The following LRRC4C variants were observed in gnomAD, a reference collection of about 807,000 sequenced individuals.
LRRC4C encodes leucine rich repeat containing 4C, also known as leucine-rich repeat-containing protein 4C.
Under a neutral mutation model 33.6 loss-of-function variants are expected in LRRC4C, and 5 were observed. That is an observed-to-expected ratio of 0.15 (90% CI 0.08 to 0.31). The LOEUF is 0.31. LRRC4C is among the 10% of genes least tolerant of loss of function. The pLI is 1.00. For missense variants in LRRC4C, 560 were observed against 796.7 expected (o/e 0.70, Z 3.58); for synonymous variants, 329 against 302.0 (o/e 1.09, Z -0.93).
At chr11:41,206,198 C>G (rs1946595602) in intron 1 of LRRC4C, among the ~76,000 whole-genome samples, 1 of 152,148 alleles carries the variant, frequency 6.6e-6, no homozygotes, top group South Asian at 2.1e-4. Context: ...TTTAACTACT[C>G]TCAAGTCTGA....
At chr11:41,142,490 C>G (rs560597383) in intron 1 of LRRC4C, among the ~76,000 whole-genome samples, 2 of 152,122 alleles carry the variant, frequency 1.3e-5, no homozygotes, top group Non-Finnish European at 2.9e-5. Context: ...ACTTTAGGAA[C>G]TACTGATTTA....
chr11:40,527,046 T>C (rs1355494090), intron 3 of LRRC4C, among the ~76,000 whole-genome samples: 1 of 152,186 alleles, frequency 6.6e-6, no homozygotes, highest in Non-Finnish European at 1.5e-5. Context: ...TTCTCATTTA[T>C]ACAAAGTTGA....
intron 1 of LRRC4C, among the ~76,000 whole-genome samples, chr11:41,148,206 G>A (rs866370793): frequency 6.6e-5 from 10 of 151,730 alleles, no homozygotes; most frequent in Admixed American, 3.9e-4. Context: ...TAGTAGAGAC[G>A]GGGTTTCATC....
intron 1 of LRRC4C, among the ~76,000 whole-genome samples, chr11:40,979,786 A>G (rs1852377367): frequency 6.6e-6 from 1 of 152,180 alleles, no homozygotes; most frequent in Non-Finnish European, 1.5e-5. Flanking sequence ...CCTTGTCTGG[A>G]CCACATACAA....
intron 3 of LRRC4C, among the ~76,000 whole-genome samples, chr11:40,581,102 C>T (rs557224842): frequency 2.0e-5 from 3 of 152,322 alleles, no homozygotes; most frequent in African/African-American, 7.2e-5. Flanking sequence ...TTCCCATTCT[C>T]CTCTCTGAAA....
intron 2 of LRRC4C, among the ~76,000 whole-genome samples, chr11:40,733,371 G>A (rs547419052): frequency 2.6e-5 from 4 of 152,008 alleles, no homozygotes; most frequent in East Asian, 1.9e-4. Context: ...CACGGTGCCC[G>A]CCTGAATATA....
Position 41,301,712 on chromosome 11 carries a change from C to T in LRRC4C, c.-496+157719G>A, listed in dbSNP as rs555654988. 9.9e-5 allele frequency among the ~76,000 whole-genome samples: 15 copies of T among 152,136 alleles called. No individual in the cohort carries two copies. The East Asian group carries it at 2.9e-3, about 29-fold the overall frequency. On this transcript the variant is annotated intron_variant, in intron 1 of 6. Coordinates refer to ENST00000528697, the MANE Select transcript of LRRC4C (RefSeq NM_001258419.2). ...TTATGACTTTCATGACTTAGCTAAA[C>T]AAAAACTCCCCCCAATTTCATCAGA...
chr11:41,089,180 T>C (rs1052402035), intron 1 of LRRC4C, among the ~76,000 whole-genome samples: 1 of 152,080 alleles, frequency 6.6e-6, no homozygotes, highest in Non-Finnish European at 1.5e-5. Flanking sequence ...ACAGAGTTTC[T>C]TGTTCACTTT....
intron 1 of LRRC4C, among the ~76,000 whole-genome samples, chr11:41,044,825 A>C (rs1408999801): frequency 2.6e-5 from 4 of 152,172 alleles, no homozygotes; most frequent in Non-Finnish European, 5.9e-5. Context: ...TATTGTTGAA[A>C]GTACTTGCAT....
intron 2 of LRRC4C, among the ~76,000 whole-genome samples, chr11:40,870,634 C>T (rs530994579): frequency 9.2e-4 from 140 of 152,308 alleles, no homozygotes; most frequent in African/African-American, 3.2e-3. Flanking sequence ...ACACTTATCA[C>T]TTCCCCAATC....
chr11:40,334,099 A>G (rs1946488108), intron 3 of LRRC4C, among the ~76,000 whole-genome samples: 1 of 152,140 alleles, frequency 6.6e-6, no homozygotes, highest in Non-Finnish European at 1.5e-5. Context: ...AGATGGGAAA[A>G]CCTAACCTGG....
At chr11:41,345,177 CTCTTTT>C (rs1400184972) in intron 1 of LRRC4C, among the ~76,000 whole-genome samples, 1 of 152,152 alleles carries the variant, frequency 6.6e-6, no homozygotes, top group Non-Finnish European at 1.5e-5. Context: ...TTACCTCTTT[CTCTTTT>C]TAACTAAATT....
At chr11:40,849,964 G>A (rs7929798) in intron 2 of LRRC4C, among the ~76,000 whole-genome samples, 95,231 of 151,012 alleles carry the variant, frequency 0.63, 33,486 homozygotes, top group East Asian at 0.86. Flanking sequence ...CTTGTGCTGT[G>A]TTTTTCAGCT....
At chr11:40,478,763 A>T (rs1411374408) in intron 3 of LRRC4C, among the ~76,000 whole-genome samples, 1 of 151,982 alleles carries the variant, frequency 6.6e-6, no homozygotes, top group Non-Finnish European at 1.5e-5. Flanking sequence ...TGAATAAAAG[A>T]CTCCTTAAAA....
chr11:40,820,526 A>C (rs560098152), intron 2 of LRRC4C, among the ~76,000 whole-genome samples: 1 of 152,050 alleles, frequency 6.6e-6, no homozygotes, highest in South Asian at 2.1e-4. Flanking sequence ...TTATCCTATA[A>C]ATCCAAGGTT....
intron 3 of LRRC4C, among the ~76,000 whole-genome samples, chr11:40,363,191 T>C (rs1005527358): frequency 6.6e-6 from 1 of 151,990 alleles, no homozygotes. Flanking sequence ...ATAAAGAAAA[T>C]GTGGTACATA....
At chr11:40,633,065 AT>A (rs1412491005) in intron 3 of LRRC4C, among the ~76,000 whole-genome samples, 1 of 151,770 alleles carries the variant, frequency 6.6e-6, no homozygotes, top group African/African-American at 2.4e-5. Context: ...TACATCCTTT[AT>A]TTTTCTAAGT....
At chr11:41,357,806 ACT>A (rs1952215485) in intron 1 of LRRC4C, among the ~76,000 whole-genome samples, 2 of 152,154 alleles carry the variant, frequency 1.3e-5, no homozygotes, top group Non-Finnish European at 2.9e-5. Context: ...GAATGGGAAG[ACT>A]CAACAGTATC....
At chr11:40,544,565 C>T (rs535374237) in intron 3 of LRRC4C, among the ~76,000 whole-genome samples, 1 of 152,048 alleles carries the variant, frequency 6.6e-6, no homozygotes, top group Non-Finnish European at 1.5e-5. Flanking sequence ...TAAGCTACAA[C>T]AAAATACACT....
Sources: allele counts gnomAD v4.1 joint callset (sites outside exome capture counted in the v4.1 genomes callset), GRCh38; gene constraint gnomAD v4.1.1; transcripts MANE v1.5; gene names NCBI Gene and HGNC (gene_info 2026-07-23, HGNC 2026-07-21).